Variants in OPCML observed in about 807,000 individuals in gnomAD.
OPCML encodes the protein opioid binding protein/cell adhesion molecule like.
OPCML carries 13 observed loss-of-function variants against 37.8 expected under a neutral mutation model. The ratio of observed to expected loss-of-function variants is 0.34; its 90% CI spans 0.22 to 0.55. The LOEUF is 0.55. OPCML is among the 20% of genes least tolerant of loss of function. The probability of loss-of-function intolerance (pLI) is 0.91; values close to 1 mark genes in which losing one functional copy is unlikely to be tolerated. For synonymous variants in OPCML, 176 were observed against 168.8 expected (o/e 1.04, Z -0.33); for missense variants, 341 against 435.6 (o/e 0.78, Z 1.93).
intron 1 of OPCML, chr11:133,024,866 T>C (rs1947520934): frequency 2.0e-6 from 2 of 985,436 alleles, no homozygotes; most frequent in Middle Eastern, 5.2e-4. Context: ...GTCCCTTCTA[T>C]GCCAGTGATT....
intron 3 of OPCML, among the ~76,000 whole-genome samples, chr11:132,592,393 G>A (rs988276093): frequency 6.6e-6 from 1 of 152,154 alleles, no homozygotes; most frequent in Non-Finnish European, 1.5e-5. Flanking sequence ...TACCTGGCTG[G>A]TATCTGGAAA....
At chr11:133,472,399 G>A (rs75279422) in intron 1 of OPCML, among the ~76,000 whole-genome samples, 12,348 of 152,112 alleles carry the variant, frequency 0.081, 1,618 homozygotes, top group African/African-American at 0.28. Flanking sequence ...AAGTCCTGAC[G>A]GTATTTAGGG....
At chr11:132,957,019 T>C (rs959476700) in intron 1 of OPCML, among the ~76,000 whole-genome samples, 2 of 152,168 alleles carry the variant, frequency 1.3e-5, no homozygotes, top group South Asian at 2.1e-4. Flanking sequence ...TAGTCCAAGA[T>C]ACTTAACAGG....
chr11:132,907,939 C>G (rs1944300901), intron 2 of OPCML, among the ~76,000 whole-genome samples: 1 of 151,986 alleles, frequency 6.6e-6, no homozygotes, highest in Admixed American at 6.5e-5. Flanking sequence ...CATGGTAGGT[C>G]TGAGAGATGT....
intron 3 of OPCML, among the ~76,000 whole-genome samples, chr11:132,539,705 AATGGTT>A (rs2096351022): frequency 6.6e-6 from 1 of 151,648 alleles, no homozygotes; most frequent in Non-Finnish European, 1.5e-5. Context: ...TGTTGATGAT[AATGGTT>A]ATGGTGATGA....
intron 1 of OPCML, among the ~76,000 whole-genome samples, chr11:133,149,891 T>C (rs994982048): frequency 5.3e-5 from 8 of 152,136 alleles, no homozygotes; most frequent in African/African-American, 1.9e-4. Flanking sequence ...AGGGAGGTGG[T>C]TATGCCAGAG....
intron 2 of OPCML, among the ~76,000 whole-genome samples, chr11:132,839,016 T>C (rs149989373): frequency 6.6e-6 from 1 of 152,338 alleles, no homozygotes; most frequent in East Asian, 1.9e-4. Context: ...GCAATACACT[T>C]TCCCGTGAAC....
intron 1 of OPCML, among the ~76,000 whole-genome samples, chr11:133,168,358 A>G (rs550188013): frequency 2.6e-5 from 4 of 152,268 alleles, no homozygotes; most frequent in Admixed American, 2.0e-4. Flanking sequence ...GTGGGTAAAA[A>G]GAGGAGTGGG....
At chr11:133,292,849 T>C (rs919231996) in intron 1 of OPCML, among the ~76,000 whole-genome samples, 4 of 152,198 alleles carry the variant, frequency 2.6e-5, no homozygotes, top group Non-Finnish European at 4.4e-5. Flanking sequence ...CTCCTCATCA[T>C]GATTCTAGAA....
chr11:133,465,896 C>T (rs1946967059), intron 1 of OPCML, among the ~76,000 whole-genome samples: 2 of 152,166 alleles, frequency 1.3e-5, no homozygotes, highest in Admixed American at 1.3e-4. Flanking sequence ...GTTATGAATG[C>T]ATACATCTAT....
intron 4 of OPCML, among the ~76,000 whole-genome samples, chr11:132,507,437 C>A (rs1442914911): frequency 6.6e-6 from 1 of 151,840 alleles, no homozygotes; most frequent in Non-Finnish European, 1.5e-5. Flanking sequence ...TATTCAATTA[C>A]ATATACTTTG....
intron 2 of OPCML, among the ~76,000 whole-genome samples, chr11:132,759,320 G>A (rs1285192450): frequency 6.6e-6 from 1 of 152,148 alleles, no homozygotes; most frequent in Non-Finnish European, 1.5e-5. Flanking sequence ...CTCATAAAAT[G>A]AGTTAGTGAG....
intron 1 of OPCML, among the ~76,000 whole-genome samples, chr11:133,395,598 A>G (rs1165556742): frequency 1.3e-5 from 2 of 152,184 alleles, no homozygotes; most frequent in Non-Finnish European, 2.9e-5. Flanking sequence ...ACTCTTCTGC[A>G]TATGGATATC....
In OPCML at chr11:133,421,452, A is replaced by G. The variant is rs942261546; in HGVS notation, c.61+110812T>C. ...CACTAGTTGCTCTTGTTAGGGCTCA[A>G]AGAAAAAACGGAAATTATCATTTCT... On this transcript the variant is annotated intron_variant, in intron 1 of 7. Transcript: ENST00000524381. 3 of 985,338 alleles carry G rather than the reference A, an allele frequency of 3.0e-6. No individual in the cohort carries two copies. The Admixed American group carries it at 1.8e-4, about 61-fold the overall frequency. The allele number at this position is 985,338 out of a possible 1,614,324, so 61.0% of individuals were successfully genotyped here.
chr11:133,180,182 T>C (rs1323375148), intron 1 of OPCML, among the ~76,000 whole-genome samples: 1 of 152,084 alleles, frequency 6.6e-6, no homozygotes, highest in East Asian at 1.9e-4. Context: ...CCACCCTTGG[T>C]GAGAAGTTGG....
At chr11:133,082,879 C>T (rs934742253) in intron 1 of OPCML, among the ~76,000 whole-genome samples, 3 of 150,186 alleles carry the variant, frequency 2.0e-5, no homozygotes, top group African/African-American at 7.3e-5. Flanking sequence ...CCGACCTCGT[C>T]CCAGGCAGAC....
intron 2 of OPCML, among the ~76,000 whole-genome samples, chr11:132,798,455 T>C (rs1485482219): frequency 6.6e-6 from 1 of 152,236 alleles, no homozygotes; most frequent in Non-Finnish European, 1.5e-5. Context: ...GTAGATTCTA[T>C]CTCAAGAAAC....
intron 4 of OPCML, among the ~76,000 whole-genome samples, chr11:132,487,074 G>GA (rs1360244580): frequency 6.6e-6 from 1 of 152,118 alleles, no homozygotes; most frequent in Non-Finnish European, 1.5e-5. Flanking sequence ...AAACATTTGA[G>GA]AAAAATCTTG....
chr11:132,415,131 C>A lies in OPCML; in HGVS notation c.*5062G>T, dbSNP rs1003160863. The A allele has an allele frequency of 1.3e-5, 2 of 152,208 alleles. No homozygotes were observed. The highest frequency in any genetic ancestry group is 6.6e-5 in the Admixed American group (1 of 15,240). 9.4% of individuals were successfully genotyped at this position (152,208 alleles called of 1,614,324 possible). On this transcript the variant is annotated 3_prime_UTR_variant, in exon 8 of 8. Coordinates refer to ENST00000524381, the MANE Select transcript of OPCML (RefSeq NM_001012393.5). ...ATACAATTATTGACAGAAATCAAGT[C>A]TTCATTGATTTTTTGAAGGAAAAAA...
Sources: allele counts gnomAD v4.1 joint callset (sites outside exome capture counted in the v4.1 genomes callset), GRCh38; gene constraint gnomAD v4.1.1; transcripts MANE v1.5; gene names NCBI Gene and HGNC (gene_info 2026-07-23, HGNC 2026-07-21).